Variants in TUBA4A observed in about 807,000 individuals in gnomAD.
TUBA4A encodes the protein tubulin alpha 4a.
TUBA4A carries 23 observed loss-of-function variants against 34.3 expected under a neutral mutation model. The observed-to-expected ratio is 0.67, with a 90% CI of 0.48 to 0.95. TUBA4A has a LOEUF of 0.95. Among genes scored for constraint, TUBA4A ranks in the 40% least tolerant of loss-of-function variants. TUBA4A has a pLI of 0.00. For missense variants in TUBA4A, 279 were observed against 599.0 expected, an observed-to-expected ratio of 0.47 and a Z score of 5.58; for synonymous variants, 216 against 230.5, an observed-to-expected ratio of 0.94 and a Z score of 0.57.
intron 1 of TUBA4A, 23 bp downstream of exon 1, chr2:219,253,833 G>T (rs766446128): frequency 8.6e-6 from 13 of 1,516,552 alleles, no homozygotes; most frequent in Non-Finnish European, 1.1e-5. Context: ...GGACAGGCGC[G>T]ACCCCGGCCG....
At position 219,252,974 on chromosome 2, in the gene TUBA4A, C is replaced by T; in HGVS notation, c.4-744G>A. The T allele has an allele frequency of 1.9e-6, 1 of 522,240 alleles. No homozygotes were observed. Among genetic ancestry groups the T allele is most frequent in the Non-Finnish European group, 3.7e-6 (1 of 269,160 alleles). 32.4% of individuals were successfully genotyped at this position (522,240 alleles called of 1,614,324 possible). On this transcript the variant is annotated intron_variant, in intron 1 of 3. Coordinates refer to ENST00000248437, the MANE Select transcript of TUBA4A (RefSeq NM_006000.3). The surrounding 1 kb of genome is among the most constrained non-coding windows in gnomAD (Gnocchi z 4.1). ...GCGCGCTCTTCCCACACCGAAATGG[C>T]GGGGTGACGGTTTCCAAATACCCAG...
In TUBA4A at chr2:219,251,903, G is replaced by T; in HGVS notation, c.226+105C>A. 1 of 1,394,548 alleles carries T rather than the reference G, an allele frequency of 7.2e-7. No individual in the cohort carries two copies. The highest frequency in any genetic ancestry group is 2.4e-5 in the East Asian group (1 of 41,138). The allele number at this position is 1,394,548 out of a possible 1,614,324, so 86.4% of individuals were successfully genotyped here. ...CCTTCTGCAGCTTCAAGTACGGCTA[G>T]GAATTTTCAGGGCTAGGAATGCCTG... On this transcript the variant is annotated intron_variant, in intron 2 of 3. Transcript: ENST00000248437. The surrounding 1 kb of genome is among the most constrained non-coding windows in gnomAD (Gnocchi z 6.1).
Position 219,253,282 on chromosome 2 carries a change from G to A in TUBA4A, c.3+574C>T, listed in dbSNP as rs950895209. ...GCGCACCCGGGCTTCGGCTGGAGAG[G>A]GCCAGCTCGCTTCAGGAGGCCGAAC... On this transcript the variant is annotated intron_variant, in intron 1 of 3. Coordinates refer to ENST00000248437, the MANE Select transcript of TUBA4A (RefSeq NM_006000.3). The A allele has an allele frequency of 2.0e-6, 3 of 1,503,290 alleles. No homozygotes were observed. In the African/African-American group the frequency reaches 4.2e-5, roughly 21 times the overall value. 93.1% of individuals were successfully genotyped at this position (1,503,290 alleles called of 1,614,324 possible).
intron 1 of TUBA4A, chr2:219,253,246 T>A: frequency 6.7e-7 from 1 of 1,494,676 alleles, no homozygotes; most frequent in Non-Finnish European, 8.9e-7. Flanking sequence ...GCCAGCTGTC[T>A]CTGCCCATCC....
At position 219,252,087 on chromosome 2, in the gene TUBA4A, G is replaced by A. The variant is rs1426799618; in HGVS notation, c.147C>T (p.Phe49=). Residue 49 remains phenylalanine (F), a synonymous_variant, in exon 2 of 4, where the codon TTC becomes TTT. Transcript: ENST00000248437. This position sits in a 1 kb window ranked among gnomAD's most constrained non-coding sequence, Gnocchi z 4.1. ...CACCAGTTTCACAGAAGAAGGTGGTGAAGGAGTCGTCCCCTCCACCAATGG... is the reference window on the plus strand; with the variant it reads ...CACCAGTTTCACAGAAGAAGGTGGTAAAGGAGTCGTCCCCTCCACCAATGG... ...DKTIGGGDDS[F]TTFFCETGAG... 6.2e-7 allele frequency: 1 copy of A among 1,614,174 alleles called. No homozygotes were observed. The highest frequency in any genetic ancestry group is 8.5e-7 in the Non-Finnish European group (1 of 1,180,038).
rs1210522637 is a variant in TUBA4A at position 219,250,267 on chromosome 2, G to C, written c.*85C>G. ...AAGGCAGCAGAAGCTCAAGCACTCA[G>C]AGGGAACAAGAAACCGTGCAAGGAA... On this transcript the variant is annotated 3_prime_UTR_variant, in exon 4 of 4. Transcript: ENST00000248437. The surrounding 1 kb of genome is among the most constrained non-coding windows in gnomAD (Gnocchi z 8.4). 32 of 1,530,028 alleles carry C rather than the reference G, an allele frequency of 2.1e-5. No homozygotes were observed. Among genetic ancestry groups the C allele is most frequent in the Non-Finnish European group, 2.8e-5 (32 of 1,136,930 alleles). The allele number at this position is 1,530,028 out of a possible 1,614,324, so 94.8% of individuals were successfully genotyped here. A position where few individuals can be genotyped will look rare whatever the true frequency, so the allele number is the denominator to read the frequency against.
chr2:219,253,938 C>A, upstream of TUBA4A: 1 of 1,140,834 alleles, frequency 8.8e-7, no homozygotes, highest in Non-Finnish European at 1.1e-6. Flanking sequence ...AGTGCCGCAC[C>A]GCCCTTATAG....
chr2:219,253,301 G>A, intron 1 of TUBA4A: 1 of 1,515,532 alleles, frequency 6.6e-7, no homozygotes, highest in Non-Finnish European at 8.8e-7. Flanking sequence ...GCTTCAGGAG[G>A]CCGAACCCCG....
chr2:219,251,506 AT>A lies in TUBA4A; in HGVS notation c.375+58del, dbSNP rs1410125867. 4 of 1,576,824 alleles carry A rather than the reference AT, an allele frequency of 2.5e-6. No individual in the cohort carries two copies. Among genetic ancestry groups the A allele is most frequent in the Admixed American group, 3.6e-5 (2 of 55,898 alleles). On this transcript the variant is annotated intron_variant, in intron 3 of 3. Coordinates refer to ENST00000248437, the MANE Select transcript of TUBA4A (RefSeq NM_006000.3). The surrounding 1 kb of genome is among the most constrained non-coding windows in gnomAD (Gnocchi z 6.1). ...ACCTCCTGAAAGGATCTGAAAAAAA[AT>A]ATTCCTGACCATTAGCACAGTCTCA... is the stretch of plus-strand genomic sequence containing the variant.
chr2:219,254,023 G>C (rs1951694438), upstream of TUBA4A: 1 of 651,170 alleles, frequency 1.5e-6, no homozygotes. Flanking sequence ...CGCCTCCCGG[G>C]AGGGTAAGCG....
At position 219,252,256 on chromosome 2, in the gene TUBA4A, G is replaced by C; in HGVS notation, c.4-26C>G. On this transcript the variant is annotated intron_variant, in intron 1 of 3. Transcript: ENST00000248437. This position sits in a 1 kb window ranked among gnomAD's most constrained non-coding sequence, Gnocchi z 4.1. Reference sequence around the variant, plus strand: ...CTGAGGGATAGAGAGAGGGGACACAGCATGAGCCCCACATCCACAAGTCCT... The same window carrying C: ...CTGAGGGATAGAGAGAGGGGACACACCATGAGCCCCACATCCACAAGTCCT... The C allele has an allele frequency of 6.3e-7, 1 of 1,587,932 alleles. No homozygotes were observed. The highest frequency in any genetic ancestry group is 8.6e-7 in the Non-Finnish European group (1 of 1,157,522).
In TUBA4A at chr2:219,252,278, T is replaced by C. The variant is rs773075360; in HGVS notation, c.4-48A>G. On this transcript the variant is annotated intron_variant, in intron 1 of 3. Transcript: ENST00000248437. The surrounding 1 kb of genome is among the most constrained non-coding windows in gnomAD (Gnocchi z 4.1). ...ACAGCATGAGCCCCACATCCACAAG[T>C]CCTCACCTTGCGAGTCTCTCTTCCA... 2 of 1,547,104 alleles carry C rather than the reference T, an allele frequency of 1.3e-6. No individual in the cohort carries two copies. Among genetic ancestry groups the C allele is most frequent in the Non-Finnish European group, 1.8e-6 (2 of 1,123,744 alleles).
intron 1 of TUBA4A, 69 bp downstream of exon 1, chr2:219,253,787 G>A: frequency 1.3e-6 from 2 of 1,523,970 alleles, no homozygotes; most frequent in Non-Finnish European, 1.8e-6. Context: ...GAGCATGCCT[G>A]GAAGAAGTGT....
intron 1 of TUBA4A, chr2:219,253,099 C>T: frequency 1.4e-6 from 2 of 1,428,894 alleles, no homozygotes; most frequent in Admixed American, 2.0e-5. Flanking sequence ...CGCTCTCCCT[C>T]TGGAGTCTTT....
chr2:219,253,930 T>TGCCGCACC, upstream of TUBA4A: 1 of 1,008,054 alleles, frequency 9.9e-7, no homozygotes, highest in Non-Finnish European at 1.3e-6. Context: ...CTAGCTGCAG[T>TGCCGCACC]GCCGCACCGC....
In TUBA4A at chr2:219,251,852, GC is replaced by G; in HGVS notation, c.227-140del. 7.3e-7 allele frequency: 1 copy of G among 1,361,928 alleles called. No individual in the cohort carries two copies. Among genetic ancestry groups the G allele is most frequent in the African/African-American group, 1.4e-5 (1 of 69,116 alleles). The allele number at this position is 1,361,928 out of a possible 1,614,324, so 84.4% of individuals were successfully genotyped here. On this transcript the variant is annotated intron_variant, in intron 2 of 3. Coordinates refer to ENST00000248437, the MANE Select transcript of TUBA4A (RefSeq NM_006000.3). The surrounding 1 kb of genome is among the most constrained non-coding windows in gnomAD (Gnocchi z 6.1). ...AGTGTGAGAGAAACCCAGACCAGCT[GC>G]CCAGGCCAGTCTCAGATCAGCTTGC...
chr2:219,252,306 C>G lies in TUBA4A; in HGVS notation c.4-76G>C. On this transcript the variant is annotated intron_variant, in intron 1 of 3. Transcript: ENST00000248437. The surrounding 1 kb of genome is among the most constrained non-coding windows in gnomAD (Gnocchi z 4.1). ...TCACCTTGCGAGTCTCTCTTCCACC[C>G]TATCATCTACCAGCTAGGATGACTC... 3 of 1,344,920 alleles carry G rather than the reference C, an allele frequency of 2.2e-6. No homozygotes were observed. The highest frequency in any genetic ancestry group is 2.5e-5 in the South Asian group (2 of 79,854). 83.3% of individuals were successfully genotyped at this position (1,344,920 alleles called of 1,614,324 possible). A position where few individuals can be genotyped will look rare whatever the true frequency, so the allele number is the denominator to read the frequency against.
In TUBA4A at chr2:219,250,416, A is replaced by G. The variant is rs757601862; in HGVS notation, c.1283T>C (p.Leu428Pro). The change falls in exon 4 of 4, where the codon CTG becomes CCG. Residue 428 changes from leucine to proline, a missense_variant. Leu to Pro is a moderately conservative substitution (Grantham distance 98). Coordinates refer to ENST00000248437, the MANE Select transcript of TUBA4A (RefSeq NM_006000.3). The surrounding 1 kb of genome is among the most constrained non-coding windows in gnomAD (Gnocchi z 8.4). ...GCCCACCTCCTCATAATCCTTCTCC[A>G]GGGCAGCCATATCCTCACGGGCCTC... ...FSEAREDMAA[L>P]EKDYEEVGID... 6.2e-7 allele frequency: 1 copy of G among 1,614,146 alleles called. No individual in the cohort carries two copies. Among genetic ancestry groups the G allele is most frequent in the East Asian group, 2.2e-5 (1 of 44,884 alleles).
At chr2:219,253,723 G>A in intron 1 of TUBA4A, 133 bp downstream of exon 1, 1 of 1,093,330 alleles carries the variant, frequency 9.1e-7, no homozygotes, top group Admixed American at 2.6e-5. Flanking sequence ...TGGGGAGGGA[G>A]GATGCAAAAC....
Sources: allele counts gnomAD v4.1 joint callset, GRCh38; gene constraint gnomAD v4.1.1; non-coding constraint Gnocchi (gnomAD v3.1); transcripts MANE v1.5; gene names NCBI Gene and HGNC (gene_info 2026-07-23, HGNC 2026-07-21).